CFAP251: variants seen among roughly 807,000 people sequenced by gnomAD.
CFAP251 encodes cilia and flagella associated protein 251.
In CFAP251, 93 loss-of-function variants were observed where a neutral mutation model predicts 126.7. That is an observed-to-expected ratio of 0.73 (90% CI 0.62 to 0.87). The LOEUF (loss-of-function observed/expected upper bound fraction) is 0.87, where lower values mean the gene tolerates loss of function less well. Ranked by LOEUF, CFAP251 falls within the 40% of genes least tolerant of loss-of-function variation. CFAP251 has a pLI of 0.00. For synonymous variants in CFAP251, 503 were observed against 506.9 expected (o/e 0.99, Z 0.10); for missense variants, 1,287 against 1,389.2 (o/e 0.93, Z 1.17).
chr12:121,995,282 G>A (rs984801713), intron 19 of CFAP251, among the ~76,000 whole-genome samples: 5 of 152,194 alleles, frequency 3.3e-5, no homozygotes, highest in African/African-American at 2.4e-5. Flanking sequence ...TAGTAATACT[G>A]TCAAAATTAT....
At chr12:121,953,350 C>T (rs1000423863) in intron 9 of CFAP251, 1 of 152,252 alleles carries the variant, frequency 6.6e-6, no homozygotes, top group Non-Finnish European at 1.5e-5. Context: ...TGCCTGCCCT[C>T]AACTGGAAAT....
intron 19 of CFAP251, among the ~76,000 whole-genome samples, chr12:121,977,181 C>T (rs918114292): frequency 2.8e-4 from 42 of 152,088 alleles, no homozygotes; most frequent in Non-Finnish European, 5.4e-4. Flanking sequence ...GAACAGCATG[C>T]GGCTGTACTG....
intron 19 of CFAP251, among the ~76,000 whole-genome samples, chr12:121,978,761 A>G (rs34159444): frequency 0.32 from 48,344 of 152,006 alleles, 9,932 homozygotes; most frequent in Non-Finnish European, 0.47. Context: ...TGCAAACTTA[A>G]TTGGACCACT....
intron 19 of CFAP251, among the ~76,000 whole-genome samples, chr12:121,983,972 G>A (rs748956135): frequency 6.6e-6 from 1 of 152,216 alleles, no homozygotes; most frequent in Admixed American, 6.5e-5. Context: ...TTCCTACTGA[G>A]ATGTAGCCGC....
intron 7 of CFAP251, among the ~76,000 whole-genome samples, chr12:121,945,186 CTG>C (rs1169668694): frequency 6.6e-6 from 1 of 152,162 alleles, no homozygotes; most frequent in African/African-American, 2.4e-5. Context: ...CTTTCCACCT[CTG>C]TTGCTACCAT....
At chr12:121,981,859 A>T (rs1882631322) in intron 19 of CFAP251, among the ~76,000 whole-genome samples, 1 of 152,190 alleles carries the variant, frequency 6.6e-6, no homozygotes, top group Non-Finnish European at 1.5e-5. Flanking sequence ...GTCAAGTTTC[A>T]GAACCTCTCC....
intron 15 of CFAP251, among the ~76,000 whole-genome samples, chr12:121,965,658 A>G (rs1167536093): frequency 6.6e-6 from 1 of 152,218 alleles, no homozygotes; most frequent in Non-Finnish European, 1.5e-5. Context: ...AAAATGAGAT[A>G]AAGCAAATTA....
chr12:121,965,988 A>G (rs1403232750), intron 15 of CFAP251, among the ~76,000 whole-genome samples: 1 of 151,090 alleles, frequency 6.6e-6, no homozygotes, highest in Non-Finnish European at 1.5e-5. Flanking sequence ...GGAAACTACT[A>G]TGTTGCCCAG....
In CFAP251 at chr12:121,989,954, A is replaced by G. The variant is rs1882839685; in HGVS notation, c.3007-9762A>G. ...CACAGACCCAAAGGCCTGCGTCATC[A>G]ATGACAGAGGCAGAAATAAGATGCT... On this transcript the variant is annotated intron_variant, in intron 19 of 21. Transcript: ENST00000288912. This position sits in a 1 kb window ranked among gnomAD's most constrained non-coding sequence, Gnocchi z 4.2. Among the ~76,000 whole-genome samples, 1 of 152,180 alleles carries G rather than the reference A, an allele frequency of 6.6e-6. No individual in the cohort carries two copies. The highest frequency in any genetic ancestry group is 1.5e-5 in the Non-Finnish European group (1 of 68,018).
intron 8 of CFAP251, 148 bp downstream of exon 8, chr12:121,949,209 A>G: frequency 2.5e-6 from 1 of 402,186 alleles, no homozygotes; most frequent in South Asian, 9.3e-5. Context: ...TAACTGTAGT[A>G]TTTAGTCCTA....
At chr12:121,960,232 A>ATT (rs905984314) in intron 13 of CFAP251, among the ~76,000 whole-genome samples, 1 of 149,428 alleles carries the variant, frequency 6.7e-6, no homozygotes, top group African/African-American at 2.5e-5. Context: ...TATTCTTAGT[A>ATT]TTTTTTTTTT....
At chr12:121,937,356 G>C (rs1425656974) in intron 5 of CFAP251, among the ~76,000 whole-genome samples, 1 of 152,150 alleles carries the variant, frequency 6.6e-6, no homozygotes, top group Non-Finnish European at 1.5e-5. Flanking sequence ...CATTAGATTT[G>C]GGGCCCACCC....
intron 5 of CFAP251, among the ~76,000 whole-genome samples, chr12:121,940,419 A>G (rs1881062496): frequency 6.6e-6 from 1 of 152,176 alleles, no homozygotes; most frequent in Non-Finnish European, 1.5e-5. Context: ...GTGACAGAGA[A>G]CCAGAGAAGT....
intron 19 of CFAP251, among the ~76,000 whole-genome samples, chr12:121,975,911 A>G (rs1304557419): frequency 6.6e-6 from 1 of 151,934 alleles, no homozygotes; most frequent in East Asian, 1.9e-4. Context: ...TGTTGGTTGG[A>G]GCATGGGTCT....
At position 121,960,592 on chromosome 12, in the gene CFAP251, G is replaced by C; in HGVS notation, c.2141G>C (p.Ser714Thr). The C allele has an allele frequency of 6.2e-7, 1 of 1,614,174 alleles. No homozygotes were observed. Among genetic ancestry groups the C allele is most frequent in the Admixed American group, 1.7e-5 (1 of 60,020 alleles). Residue 714 changes from serine to threonine, a missense_variant, in exon 14 of 22, where the codon AGT becomes ACT. Transcript: ENST00000288912. ...DSQYMATADRSFTVAVYMLVV... is the reference protein window; with the variant it reads ...DSQYMATADRTFTVAVYMLVV... ...TCTTTTGCTCATCTTCAGGATAGAA[G>C]TTTTACTGTGGCTGTTTACATGCTG...
intron 5 of CFAP251, among the ~76,000 whole-genome samples, chr12:121,940,558 AC>A (rs1289624704): frequency 6.6e-6 from 1 of 152,138 alleles, no homozygotes; most frequent in Non-Finnish European, 1.5e-5. Context: ...ACAAAAAAGA[AC>A]CATGTGACCC....
chr12:121,941,515 G>C (rs1386634454), intron 5 of CFAP251, among the ~76,000 whole-genome samples: 1 of 151,618 alleles, frequency 6.6e-6, no homozygotes, highest in Non-Finnish European at 1.5e-5. Flanking sequence ...TCTATTTTTG[G>C]TAGAGATAGG....
rs373851226 is a variant in CFAP251, at chr12:122,003,652, G to T, written c.3338G>T (p.Gly1113Val). The T allele has an allele frequency of 6.2e-7, 1 of 1,607,316 alleles. No homozygotes were observed. Among genetic ancestry groups the T allele is most frequent in the East Asian group, 2.2e-5 (1 of 44,686 alleles). ...KSEPATCSVK[G>V]SEICLEEELP... Reference sequence around the variant, plus strand: ...GGTGTTCTTTTCTTGTTTTGGCTAGGTTCAGAAATTTGCCTTGAAGAAGAA... The same window carrying T: ...GGTGTTCTTTTCTTGTTTTGGCTAGTTTCAGAAATTTGCCTTGAAGAAGAA... Residue 1113 changes from glycine to valine, a missense_variant and splice_region_variant, in exon 22 of 22, where the codon GGT (glycine) becomes GTT (valine). Coordinates refer to ENST00000288912, the MANE Select transcript of CFAP251 (RefSeq NM_144668.6).
In CFAP251 at chr12:121,922,105, C is replaced by CT. The variant is rs545096948; in HGVS notation, c.378+441dup. On this transcript the variant is annotated intron_variant, in intron 2 of 21. Coordinates refer to ENST00000288912, the MANE Select transcript of CFAP251 (RefSeq NM_144668.6). ...CCACCACGCCCGGCCACAATCCATT[C>CT]TTTTTTTTTTTTTTTTTTTGAGACA... Among the ~76,000 whole-genome samples the CT allele has an allele frequency of 8.2e-3, 991 of 120,394 alleles. 13 individuals carry two copies. The highest frequency in any genetic ancestry group is 0.023 in the African/African-American group (756 of 33,148). 79.0% of individuals were successfully genotyped at this position (120,394 alleles called of 152,430 possible).
Sources: allele counts gnomAD v4.1 joint callset (sites outside exome capture counted in the v4.1 genomes callset), GRCh38; gene constraint gnomAD v4.1.1; non-coding constraint Gnocchi (gnomAD v3.1); transcripts MANE v1.5; gene names NCBI Gene and HGNC (gene_info 2026-07-23, HGNC 2026-07-21).